Variants in PLD5 observed in about 807,000 individuals in gnomAD.
The protein encoded by PLD5 is inactive phospholipase D5.
Under a neutral mutation model 61.1 loss-of-function variants are expected in PLD5, and 36 were observed. That is an observed-to-expected ratio of 0.59 (90% CI 0.45 to 0.78). The LOEUF (loss-of-function observed/expected upper bound fraction) is 0.78, where lower values mean the gene tolerates loss of function less well. PLD5 is among the 30% of genes least tolerant of loss of function. The pLI is 0.00. For missense variants in PLD5, 515 were observed against 644.4 expected, an observed-to-expected ratio of 0.80 and a Z score of 2.17; for synonymous variants, 243 against 242.8, an observed-to-expected ratio of 1.00 and a Z score of -0.01.
At chr1:242,196,049 G>A (rs902516440) in intron 5 of PLD5, among the ~76,000 whole-genome samples, 1 of 152,124 alleles carries the variant, frequency 6.6e-6, no homozygotes, top group Non-Finnish European at 1.5e-5. Flanking sequence ...AGATACTATA[G>A]GTTGTGAAAA....
chr1:242,529,778 TCTTCCTTCCTTC>T, the PLD5 span, among the ~76,000 whole-genome samples: 177 of 129,870 alleles, frequency 1.4e-3, no homozygotes, highest in South Asian at 2.7e-3. Flanking sequence ...GGCACTGGGA[TCTTCCTTCCTTC>T]CTTCCTTCCT....
chr1:242,331,480 T>C (rs1659166010), intron 2 of PLD5, among the ~76,000 whole-genome samples: 1 of 152,182 alleles, frequency 6.6e-6, no homozygotes, highest in African/African-American at 2.4e-5. Flanking sequence ...TTGTCTTAAC[T>C]CATCTCTCAT....
chr1:242,458,157 T>A (rs575908341), intron 1 of PLD5, among the ~76,000 whole-genome samples: 1 of 152,310 alleles, frequency 6.6e-6, no homozygotes, highest in South Asian at 2.1e-4. Flanking sequence ...AAAACAGGAA[T>A]CACTGATTAT....
intron 4 of PLD5, among the ~76,000 whole-genome samples, chr1:242,257,436 T>C (rs1574623764): frequency 6.6e-6 from 1 of 152,278 alleles, no homozygotes; most frequent in South Asian, 2.1e-4. Context: ...AAGCCCACAG[T>C]GTGCTGGACC....
intron 5 of PLD5, among the ~76,000 whole-genome samples, chr1:242,142,582 C>T (rs949542265): frequency 2.0e-5 from 3 of 152,162 alleles, no homozygotes; most frequent in Non-Finnish European, 4.4e-5. Context: ...AATGGGAAAT[C>T]GTTAAATAGG....
At chr1:242,292,611 A>G (rs1272390139) in intron 2 of PLD5, among the ~76,000 whole-genome samples, 2 of 152,214 alleles carry the variant, frequency 1.3e-5, no homozygotes, top group Non-Finnish European at 2.9e-5. Context: ...TATGCACATG[A>G]ATTCTACATC....
At chr1:242,459,093 T>C (rs747871773) in intron 1 of PLD5, among the ~76,000 whole-genome samples, 14 of 152,190 alleles carry the variant, frequency 9.2e-5, no homozygotes, top group Non-Finnish European at 1.6e-4. Flanking sequence ...ACTAATCAAA[T>C]TAATGATCTA....
intron 9 of PLD5, among the ~76,000 whole-genome samples, chr1:242,092,857 C>T (rs1163709806): frequency 3.9e-5 from 6 of 152,246 alleles, no homozygotes; most frequent in Admixed American, 1.3e-4. Context: ...CCCCTGAGAA[C>T]ATCAGAAGGT....
rs75038691 is a variant in PLD5 at position 242,508,492 on chromosome 1, C to T, written c.189+15596G>A. On this transcript the variant is annotated intron_variant, in intron 1 of 9. Transcript: ENST00000536534. ...TGCCATATTGAGGAGCTCTTCACCA[C>T]GCTCTGTACTTCCGACAAGCACATC... is the stretch of plus-strand genomic sequence containing the variant. Among the ~76,000 whole-genome samples the T allele has an allele frequency of 1.7e-4, 26 of 152,296 alleles. No homozygotes were observed. In the East Asian group the frequency reaches 3.9e-3, roughly 23 times the overall value.
intron 4 of PLD5, among the ~76,000 whole-genome samples, chr1:242,224,056 C>T (rs1359348591): frequency 2.0e-5 from 3 of 152,086 alleles, no homozygotes; most frequent in Admixed American, 2.0e-4. Context: ...TGTCTGACTA[C>T]AAAACATATT....
chr1:242,249,201 C>A (rs1052993382), intron 4 of PLD5, among the ~76,000 whole-genome samples: 10 of 152,146 alleles, frequency 6.6e-5, no homozygotes, highest in African/African-American at 2.4e-4. Flanking sequence ...GTATTTAAAC[C>A]ATTGGGCTCC....
chr1:242,450,733 A>G (rs532939028), intron 1 of PLD5, among the ~76,000 whole-genome samples: 1 of 152,274 alleles, frequency 6.6e-6, no homozygotes, highest in Non-Finnish European at 1.5e-5. Context: ...GCTGTGAATC[A>G]ACAGAGTCCC....
intron 5 of PLD5, among the ~76,000 whole-genome samples, chr1:242,201,126 T>TA: frequency 6.6e-6 from 1 of 152,312 alleles, no homozygotes; most frequent in African/African-American, 2.4e-5. Context: ...AAGGCCATGT[T>TA]AAAACGGGGC....
chr1:242,288,620 A>G, intron 2 of PLD5, 90 bp from the exon 3 acceptor site: 1 of 1,456,488 alleles, frequency 6.9e-7, no homozygotes, highest in South Asian at 1.5e-5. Flanking sequence ...GACATCTAAA[A>G]AATATTCTTT....
At chr1:242,122,770 T>C (rs1376869036) in intron 6 of PLD5, among the ~76,000 whole-genome samples, 1 of 152,254 alleles carries the variant, frequency 6.6e-6, no homozygotes, top group Non-Finnish European at 1.5e-5. Flanking sequence ...GTGAATTTGT[T>C]ATTTAAGACA....
intron 4 of PLD5, among the ~76,000 whole-genome samples, chr1:242,260,593 T>A (rs1673325264): frequency 6.6e-6 from 1 of 152,108 alleles, no homozygotes; most frequent in African/African-American, 2.4e-5. Flanking sequence ...AAAACAAAAA[T>A]GAAAAGCTGT....
upstream of PLD5, among the ~76,000 whole-genome samples, chr1:242,526,093 G>T (rs1669439070): frequency 6.6e-6 from 1 of 152,198 alleles, no homozygotes; most frequent in African/African-American, 2.4e-5. Context: ...TCAAAACAAG[G>T]ATATGAACCA....
At chr1:242,162,662 A>C (rs148915373) in intron 5 of PLD5, among the ~76,000 whole-genome samples, 2 of 152,170 alleles carry the variant, frequency 1.3e-5, no homozygotes, top group East Asian at 3.9e-4. Context: ...TCTAACAAAC[A>C]TTGAGTTCTA....
At chr1:242,358,837 G>A (rs757290601) in intron 1 of PLD5, among the ~76,000 whole-genome samples, 2 of 152,114 alleles carry the variant, frequency 1.3e-5, no homozygotes, top group Non-Finnish European at 2.9e-5. Flanking sequence ...AGGGTCTAGG[G>A]GATAGGCTTT....
Sources: allele counts gnomAD v4.1 joint callset (sites outside exome capture counted in the v4.1 genomes callset), GRCh38; gene constraint gnomAD v4.1.1; transcripts MANE v1.5; gene names NCBI Gene and HGNC (gene_info 2026-07-23, HGNC 2026-07-21).